Variants in NSD1 observed in about 807,000 individuals in gnomAD.
NSD1 encodes nuclear receptor binding SET domain protein 1.
In NSD1, 26 loss-of-function variants were observed where a neutral mutation model predicts 242.7. The observed-to-expected ratio is 0.11, with a 90% CI of 0.08 to 0.15. NSD1 has a LOEUF of 0.15. Ranked by LOEUF, NSD1 falls within the 10% of genes least tolerant of loss-of-function variation. The pLI, the probability that NSD1 is intolerant of heterozygous loss-of-function variation, is 1.00. For missense variants in NSD1, 2,495 were observed against 3,272.8 expected, an observed-to-expected ratio of 0.76 and a Z score of 5.80; for synonymous variants, 1,106 against 1,178.1, an observed-to-expected ratio of 0.94 and a Z score of 1.25.
rs554313851 is a variant in NSD1 at position 177,292,325 on chromosome 5, G to T, written c.6463+167G>T. On this transcript the variant is annotated intron_variant, in intron 22 of 22. Transcript: ENST00000439151. ...TGGAAATAATGAAAGCAAAGGCTTA[G>T]AATTCTTAGTTATGAAGAATGGGAC... Among the ~76,000 whole-genome samples the T allele has an allele frequency of 3.3e-5, 5 of 152,354 alleles. No homozygotes were observed. The South Asian group carries it at 1.0e-3, about 32-fold the overall frequency.
intron 2 of NSD1, among the ~76,000 whole-genome samples, chr5:177,151,568 T>C (rs1049489568): frequency 2.0e-5 from 3 of 151,714 alleles, no homozygotes; most frequent in South Asian, 4.2e-4. Flanking sequence ...TTTGTATTTT[T>C]AGTAGAGATG....
chr5:177,212,479 CTCTCTCTCT>C (rs1293202702), intron 5 of NSD1, among the ~76,000 whole-genome samples: 3 of 125,450 alleles, frequency 2.4e-5, no homozygotes, highest in Admixed American at 2.3e-4. Context: ...CTCTCTTTCT[CTCTCTCTCT>C]TTTTTTTTTT....
chr5:177,257,111 C>T lies in NSD1; in HGVS notation c.4926C>T (p.Thr1642=). 6.2e-7 allele frequency: 1 copy of T among 1,614,114 alleles called. No individual in the cohort carries two copies. Among genetic ancestry groups the T allele is most frequent in the Non-Finnish European group, 8.5e-7 (1 of 1,180,024 alleles). ...GFRCSLHICI[T]CHAANPANVS... is the part of the protein sequence containing the mutation. The stretch of plus-strand genomic sequence containing the variant: ...GGTGCTCCCTCCACATCTGTATAAC[C>T]TGTCATGCTGCTAATCCAGCCAATG... The change falls in exon 13 of 23, where the codon ACC becomes ACT. Residue 1642 remains threonine, a synonymous_variant. Coordinates refer to ENST00000439151, the MANE Select transcript of NSD1 (RefSeq NM_022455.5).
At chr5:177,165,178 A>G (rs540498550) in intron 2 of NSD1, among the ~76,000 whole-genome samples, 112 of 152,252 alleles carry the variant, frequency 7.4e-4, no homozygotes, top group African/African-American at 2.6e-3. Context: ...ATTTTATTTT[A>G]TCCTATTTAT....
In NSD1 at chr5:177,211,522, C is replaced by T. The variant is rs577884259; in HGVS notation, c.3123C>T (p.Asn1041=). ...RDAFSAQMVK[N]TVNRKALKTE... ...CTTTTTCAGCCCAAATGGTAAAGAA[C>T]ACAGTGAACCGTAAAGCCTTAAAGA... The change falls in exon 5 of 23, where the codon AAC becomes AAT. Residue 1041 remains asparagine, a synonymous_variant. Coordinates refer to ENST00000439151, the MANE Select transcript of NSD1 (RefSeq NM_022455.5). 2 of 1,613,954 alleles carry T rather than the reference C, an allele frequency of 1.2e-6. No homozygotes were observed. The highest frequency in any genetic ancestry group is 1.6e-4 in the Middle Eastern group (1 of 6,084).
chr5:177,299,173 A>G lies in NSD1; in HGVS notation c.*3714A>G, dbSNP rs1428589004. ...AAATAAGAATAGATCATTGTTTTGT[A>G]CACACACACAATAAAATGTAATGAT... On this transcript the variant is annotated 3_prime_UTR_variant, in exon 23 of 23. Transcript: ENST00000439151. The G allele has an allele frequency of 1.3e-5, 3 of 232,846 alleles. No homozygotes were observed. Among genetic ancestry groups the G allele is most frequent in the Admixed American group, 5.6e-5 (1 of 17,760 alleles). The allele number at this position is 232,846 out of a possible 1,614,324, so 14.4% of individuals were successfully genotyped here.
At position 177,269,440 on chromosome 5, in the gene NSD1, A is replaced by G. The variant is rs529465365; in HGVS notation, c.5304-162A>G. On this transcript the variant is annotated intron_variant, in intron 15 of 22. Coordinates refer to ENST00000439151, the MANE Select transcript of NSD1 (RefSeq NM_022455.5). This position sits in a 1 kb window ranked among gnomAD's most constrained non-coding sequence, Gnocchi z 5.1. ...GCAGATGTTTTCCAGCTTCTAGCAC[A>G]TACGACTTGTTTGTGTTCTAGTTAG... 6.6e-6 allele frequency among the ~76,000 whole-genome samples: 1 copy of G among 152,336 alleles called. No homozygotes were observed. Among genetic ancestry groups the G allele is most frequent in the Non-Finnish European group, 1.5e-5 (1 of 68,040 alleles).
chr5:177,293,885 T>G lies in NSD1; in HGVS notation c.6517T>G (p.Ser2173Ala). The G allele has an allele frequency of 6.2e-7, 1 of 1,614,114 alleles. No homozygotes were observed. The highest frequency in any genetic ancestry group is 8.5e-7 in the Non-Finnish European group (1 of 1,180,014). Residue 2173 changes from serine to alanine, a missense_variant, in exon 23 of 23, where the codon TCC (serine) becomes GCC (alanine). Around this residue, in one of 19 missense-constraint regions of NSD1, gnomAD observed 33 missense variants for 134.8 expected, o/e 0.24. Coordinates refer to ENST00000439151, the MANE Select transcript of NSD1 (RefSeq NM_022455.5). Reference protein sequence around the residue: ...QCDICGKEAASFCEMCPSSFC... With the variant: ...QCDICGKEAAAFCEMCPSSFC... ...TGACATCTGCGGGAAGGAAGCAGCC[T>G]CCTTCTGTGAGATGTGCCCCAGCTC...
chr5:177,256,697 G>GT (rs148232213), intron 12 of NSD1, among the ~76,000 whole-genome samples: 201 of 152,230 alleles, frequency 1.3e-3, no homozygotes, highest in African/African-American at 4.5e-3. Context: ...TTTAATTTCA[G>GT]TTTTTTCTTT....
chr5:177,187,665 TGA>T (rs1284583365), intron 2 of NSD1, among the ~76,000 whole-genome samples: 2 of 152,206 alleles, frequency 1.3e-5, no homozygotes, highest in Non-Finnish European at 2.9e-5. Flanking sequence ...TCCTAATGTC[TGA>T]CCTCAGGCTT....
chr5:177,138,661 C>T (rs1208762695), intron 2 of NSD1, among the ~76,000 whole-genome samples: 2 of 148,990 alleles, frequency 1.3e-5, no homozygotes, highest in East Asian at 2.0e-4. Flanking sequence ...TTTTTTGAGA[C>T]GAAGTTTCAC....
rs374330497 is a variant in NSD1 at position 177,246,771 on chromosome 5, C to T, written c.4472C>T (p.Ser1491Leu). 16 of 1,613,112 alleles carry T rather than the reference C, an allele frequency of 9.9e-6. No homozygotes were observed. Among genetic ancestry groups the T allele is most frequent in the East Asian group, 2.2e-5 (1 of 44,878 alleles). ...TGTAAAAAAGTGAAAAATGATGACT[C>T]GTCAAAAGAGATTCCAGGCTCAGAG... is the stretch of plus-strand genomic sequence containing the variant. ...MQCKKVKNDD[S>L]SKEIPGSEGE... The change falls in exon 10 of 23, where the codon TCG (serine) becomes TTG (leucine). Residue 1491 changes from serine (S) to leucine (L), a missense_variant. Transcript: ENST00000439151.
chr5:177,278,068 T>C lies in NSD1; in HGVS notation c.5623-2497T>C, dbSNP rs961470900. Among the ~76,000 whole-genome samples, 5 of 152,198 alleles carry C rather than the reference T, an allele frequency of 3.3e-5. No individual in the cohort carries two copies. In the South Asian group the frequency reaches 1.0e-3, roughly 32 times the overall value. On this transcript the variant is annotated intron_variant, in intron 17 of 22. Transcript: ENST00000439151. ...TTATGCCTTATGGCTTCCAGTTGCA[T>C]GTGTTGGGGATATTTCTCCATTAGC...
rs897261006 is a variant in NSD1 at position 177,210,949 on chromosome 5, T to C, written c.2550T>C (p.Ser850=). 2 of 1,614,126 alleles carry C rather than the reference T, an allele frequency of 1.2e-6. No individual in the cohort carries two copies. The highest frequency in any genetic ancestry group is 3.3e-5 in the Admixed American group (2 of 60,002). ...NNMHEKTRDS[S]DIETAVVKHV... Reference sequence around the variant, plus strand: ...TGCATGAGAAAACCAGGGATTCAAGTGACATAGAAACAGCAGTGGTGAAAC... The same window carrying C: ...TGCATGAGAAAACCAGGGATTCAAGCGACATAGAAACAGCAGTGGTGAAAC... The change falls in exon 5 of 23, where the codon AGT becomes AGC. Residue 850 remains serine, a synonymous_variant. Coordinates refer to ENST00000439151, the MANE Select transcript of NSD1 (RefSeq NM_022455.5).
chr5:177,180,976 C>T lies in NSD1; in HGVS notation c.928-10908C>T, dbSNP rs138490376. On this transcript the variant is annotated intron_variant, in intron 2 of 22. Transcript: ENST00000439151. ...GATTACAGGCGTGAGCCACCGTGCC[C>T]GGCTGATGATGATATTTTAACAGAT... Among the ~76,000 whole-genome samples, 880 of 151,692 alleles carry T rather than the reference C, an allele frequency of 5.8e-3. 11 individuals are homozygous for T. Among genetic ancestry groups the T allele is most frequent in the African/African-American group, 0.02 (828 of 41,348 alleles).
In NSD1 at chr5:177,267,684, A is replaced by C. The variant is rs1280607631; in HGVS notation, c.5269A>C (p.Arg1757=). 6.2e-7 allele frequency: 1 copy of C among 1,614,058 alleles called. No individual in the cohort carries two copies. Among genetic ancestry groups the C allele is most frequent in the Non-Finnish European group, 8.5e-7 (1 of 1,179,964 alleles). ...DCKAGKKPHY[R]EIVWVKVGRY... ...TAAAGCAGGCAAAAAGCCACACTAC[A>C]GGGAGATTGTCTGGGTAAAAGTTGG... Residue 1757 remains arginine (R), a synonymous_variant, in exon 15 of 23, where the codon AGG becomes CGG. Coordinates refer to ENST00000439151, the MANE Select transcript of NSD1 (RefSeq NM_022455.5).
chr5:177,154,793 T>C (rs1242637557), intron 2 of NSD1, among the ~76,000 whole-genome samples: 1 of 152,054 alleles, frequency 6.6e-6, no homozygotes, highest in African/African-American at 2.4e-5. Context: ...GCTCCTGGGT[T>C]CAAGTGATTC....
At chr5:177,196,365 G>A (rs1762103583) in intron 3 of NSD1, among the ~76,000 whole-genome samples, 1 of 152,158 alleles carries the variant, frequency 6.6e-6, no homozygotes, top group Admixed American at 6.5e-5. Flanking sequence ...GTTAGAAGGG[G>A]ACCACAAATA....
chr5:177,269,751 G>T lies in NSD1; in HGVS notation c.5453G>T (p.Gly1818Val). 2 of 1,614,084 alleles carry T rather than the reference G, an allele frequency of 1.2e-6. No individual in the cohort carries two copies. The highest frequency in any genetic ancestry group is 1.7e-6 in the Non-Finnish European group (2 of 1,180,024). ...GCCCGAGTCTTCCCTTACATGGAGGGTGACGTGAGCAGCAAGGATAAGATG... is the reference window on the plus strand; with the variant it reads ...GCCCGAGTCTTCCCTTACATGGAGGTTGACGTGAGCAGCAAGGATAAGATG... ...HQARVFPYME[G>V]DVSSKDKMGK... is the part of the protein sequence containing the mutation. Residue 1818 changes from glycine to valine, a missense_variant, in exon 16 of 23, where the codon GGT (glycine) becomes GTT (valine). This residue lies in a region of NSD1 where 114 missense variants were observed against 247.4 expected (regional missense o/e 0.46). Coordinates refer to ENST00000439151, the MANE Select transcript of NSD1 (RefSeq NM_022455.5). The surrounding 1 kb of genome is among the most constrained non-coding windows in gnomAD (Gnocchi z 5.1).
Sources: gnomAD v4.1 joint callset for allele counts (sites outside exome capture counted in the v4.1 genomes callset) on GRCh38, gnomAD v4.1.1 for gene constraint, gnomAD v4.1.1 regional missense constraint, Gnocchi (gnomAD v3.1) non-coding constraint, MANE v1.5 for transcripts, NCBI Gene and HGNC (gene_info 2026-07-23, HGNC 2026-07-21) for gene names.